ANKRD26: variants seen among roughly 807,000 people sequenced by gnomAD.
ANKRD26 encodes ankyrin repeat domain 26.
Under a neutral mutation model 208.7 loss-of-function variants are expected in ANKRD26, and 141 were observed. The ratio of observed to expected loss-of-function variants is 0.68; its 90% confidence interval spans 0.59 to 0.78. ANKRD26 has a LOEUF of 0.78. Among genes scored for constraint, ANKRD26 ranks in the 30% least tolerant of loss-of-function variants. The pLI is 0.00. For synonymous variants in ANKRD26, 636 were observed against 660.4 expected, an observed-to-expected ratio of 0.96 and a Z score of 0.57; for missense variants, 1,889 against 1,938.7, an observed-to-expected ratio of 0.97 and a Z score of 0.48.
chr10:26,987,838 T>C (rs1589168830), downstream of ANKRD26, among the ~76,000 whole-genome samples: 3 of 152,166 alleles, frequency 2.0e-5, no homozygotes, highest in Non-Finnish European at 4.4e-5. Context: ...CACGTAATAA[T>C]ATCTTCAACA....
intron 32 of ANKRD26, among the ~76,000 whole-genome samples, chr10:27,009,177 G>C (rs2053004107): frequency 6.6e-6 from 1 of 152,062 alleles, no homozygotes; most frequent in Admixed American, 6.6e-5. Context: ...ACAGCTGAGG[G>C]CAACTACTTT....
At chr10:27,055,736 C>T (rs950457068) in intron 15 of ANKRD26, among the ~76,000 whole-genome samples, 1 of 152,158 alleles carries the variant, frequency 6.6e-6, no homozygotes, top group Non-Finnish European at 1.5e-5. Context: ...TGGGGATACA[C>T]TATAGAGCAA....
the ANKRD26 span, among the ~76,000 whole-genome samples, chr10:26,966,447 C>T: frequency 2.0e-4 from 31 of 152,016 alleles, no homozygotes; most frequent in Non-Finnish European, 3.7e-4. Context: ...CACATGGATA[C>T]AGGGAGGGAA....
rs541865352 is a variant in ANKRD26, at chr10:26,996,711, G to A, written c.563-1564C>T. Among the ~76,000 whole-genome samples, 5 of 152,218 alleles carry A rather than the reference G, an allele frequency of 3.3e-5. No homozygotes were observed. In the South Asian group the frequency reaches 1.0e-3, roughly 32 times the overall value. ...GTCAAGAAGGATACTATACAATGTT[G>A]GGGAGCAGTATCTTTAGGAATATTT... On this transcript the variant is annotated intron_variant, in intron 4 of 5. Transcript: ENST00000445828.
At chr10:27,065,024 T>G (rs1465868044) in intron 11 of ANKRD26, among the ~76,000 whole-genome samples, 2 of 152,198 alleles carry the variant, frequency 1.3e-5, no homozygotes, top group South Asian at 2.1e-4. Flanking sequence ...GATGAACAGA[T>G]TTGAAGATTG....
At chr10:26,993,461 T>C (rs1030994342) in intron 5 of ANKRD26, among the ~76,000 whole-genome samples, 1 of 152,184 alleles carries the variant, frequency 6.6e-6, no homozygotes, top group Non-Finnish European at 1.5e-5. Context: ...TAAAGGAGCA[T>C]TCTGGCTGAG....
At chr10:27,019,613 T>C (rs539284603) in intron 29 of ANKRD26, among the ~76,000 whole-genome samples, 26 of 152,320 alleles carry the variant, frequency 1.7e-4, no homozygotes, top group Non-Finnish European at 2.6e-4. Context: ...TTTTGGAGAG[T>C]TCAGATTCCA....
chr10:26,988,506 T>C (rs1162450089), downstream of ANKRD26, among the ~76,000 whole-genome samples: 1 of 152,112 alleles, frequency 6.6e-6, no homozygotes, highest in Non-Finnish European at 1.5e-5. Context: ...CTTTAATATT[T>C]CAGAAAAATA....
chr10:27,014,166 T>C lies in ANKRD26; in HGVS notation c.4724+328A>G, dbSNP rs116035394. Among the ~76,000 whole-genome samples the C allele has an allele frequency of 6.7e-3, 1,024 of 152,208 alleles. 11 individuals carry two copies. The highest frequency in any genetic ancestry group is 0.023 in the African/African-American group (969 of 41,506). On this transcript the variant is annotated intron_variant, in intron 31 of 33. Coordinates refer to ENST00000376087, the MANE Select transcript of ANKRD26 (RefSeq NM_014915.3). ...CAGCCCAACTCATTAATAATTATAT[T>C]TATGGCAATGCTGATAAGCAATCTG...
chr10:27,025,631 C>T (rs753817798), intron 27 of ANKRD26, among the ~76,000 whole-genome samples: 10 of 152,168 alleles, frequency 6.6e-5, no homozygotes, highest in Admixed American at 3.3e-4. Flanking sequence ...CTTTACTTCT[C>T]AGCAGCAACT....
rs1173259773 is a variant in ANKRD26 at position 27,014,627 on chromosome 10, T to C, written c.4591A>G (p.Lys1531Glu). ...SMKSQMELRI[K>E]DLESELSKIK... Reference sequence around the variant, plus strand: ...TTGGAGAGTTCAGATTCCAGATCTTTAATTCTGAGTTCCATCTGACTTTTC... The same window carrying C: ...TTGGAGAGTTCAGATTCCAGATCTTCAATTCTGAGTTCCATCTGACTTTTC... Residue 1531 changes from lysine to glutamate, a missense_variant, in exon 31 of 34, where the codon AAA becomes GAA. By Grantham distance (56) the Lys-to-Glu change is moderately conservative. Coordinates refer to ENST00000376087, the MANE Select transcript of ANKRD26 (RefSeq NM_014915.3). 1.2e-6 allele frequency: 2 copies of C among 1,613,306 alleles called. No homozygotes were observed. The highest frequency in any genetic ancestry group is 1.7e-6 in the Non-Finnish European group (2 of 1,179,682).
intron 4 of ANKRD26, 130 bp from the exon 5 acceptor site, chr10:27,086,739 T>C: frequency 1.3e-6 from 1 of 757,844 alleles, no homozygotes; most frequent in Non-Finnish European, 1.9e-6. Flanking sequence ...CCCATACACT[T>C]CAAATATGTA....
intron 3 of ANKRD26, among the ~76,000 whole-genome samples, chr10:26,984,097 A>T (rs1385257061): frequency 6.6e-6 from 1 of 152,216 alleles, no homozygotes; most frequent in Non-Finnish European, 1.5e-5. Flanking sequence ...AAAAGAGCAT[A>T]AATAGCTGCA....
chr10:26,956,587 G>A, the ANKRD26 span, among the ~76,000 whole-genome samples: 2 of 151,854 alleles, frequency 1.3e-5, no homozygotes, highest in East Asian at 1.9e-4. Flanking sequence ...AGCCATGATT[G>A]TGCCTCTGCA....
At chr10:26,972,630 G>T (rs546380695), downstream of ANKRD26, among the ~76,000 whole-genome samples, 1 of 134,940 alleles carries the variant, frequency 7.4e-6, no homozygotes, top group African/African-American at 2.9e-5. Context: ...TCACTCTGTC[G>T]CCCAGGCTGG....
chr10:27,069,073 T>C (rs752981189), intron 9 of ANKRD26, among the ~76,000 whole-genome samples: 1 of 151,614 alleles, frequency 6.6e-6, no homozygotes. Context: ...ACATGCCCTG[T>C]AATCCTGGCT....
intron 1 of ANKRD26, 113 bp downstream of exon 1, chr10:27,099,972 C>G (rs1467541418): frequency 2.6e-5 from 40 of 1,557,910 alleles, no homozygotes; most frequent in Non-Finnish European, 1.7e-6. Flanking sequence ...GTCCCAGGGG[C>G]TACGGAGCCC....
intron 32 of ANKRD26, among the ~76,000 whole-genome samples, chr10:27,011,356 C>T (rs886614120): frequency 1.3e-5 from 2 of 152,156 alleles, no homozygotes; most frequent in Non-Finnish European, 2.9e-5. Context: ...CAACCTTAAA[C>T]TCTTGGGCTC....
chr10:27,003,009 T>C (rs1420233566), downstream of ANKRD26, among the ~76,000 whole-genome samples: 1 of 152,204 alleles, frequency 6.6e-6, no homozygotes, highest in Non-Finnish European at 1.5e-5. Context: ...AGAAGATTAG[T>C]GATGTTTTTG....
Sources: allele counts gnomAD v4.1 joint callset (sites outside exome capture counted in the v4.1 genomes callset), GRCh38; gene constraint gnomAD v4.1.1; transcripts MANE v1.5; gene names NCBI Gene and HGNC (gene_info 2026-07-23, HGNC 2026-07-21).